The following ZNF131 variants were observed in gnomAD, a reference collection of about 807,000 sequenced individuals.
The protein encoded by ZNF131 is zinc finger protein 131.
ZNF131 carries 7 observed loss-of-function variants against 60.0 expected under a neutral mutation model. The observed-to-expected ratio is 0.12, with a 90% CI of 0.07 to 0.22. The LOEUF (loss-of-function observed/expected upper bound fraction) is 0.22. ZNF131 is among the 10% of genes least tolerant of loss of function. The pLI is 1.00. For missense variants in ZNF131, 493 were observed against 740.9 expected (o/e 0.67, Z 3.88); for synonymous variants, 257 against 253.2 (o/e 1.01, Z -0.14).
chr5:43,128,918 T>TTTATTTA (rs1018555870), intron 3 of ZNF131, among the ~76,000 whole-genome samples: 2 of 151,920 alleles, frequency 1.3e-5, no homozygotes, highest in African/African-American at 2.4e-5. Context: ...TCTTTGTATT[T>TTTATTTA]TTATTTATTA....
chr5:43,132,620 C>A (rs998685907), intron 3 of ZNF131, among the ~76,000 whole-genome samples: 1 of 150,988 alleles, frequency 6.6e-6, no homozygotes. Context: ...AAGCGACTCT[C>A]CTGCCTCAGC....
At position 43,174,840 on chromosome 5, in the gene ZNF131, G is replaced by T; in HGVS notation, c.1579G>T (p.Val527Leu). 1 of 1,614,212 alleles carries T rather than the reference G, an allele frequency of 6.2e-7. No homozygotes were observed. Residue 527 changes from valine (V) to leucine (L), a missense_variant, in exon 7 of 7, where the codon GTG (valine) becomes TTG (leucine). Transcript: ENST00000682664. The stretch of plus-strand genomic sequence containing the variant: ...GCAGGTCCAAGTGAGTTATCTAGAA[G>T]TGGGCCGAATTCAGACTGAAGAAGG... ...PEQVQVSYLEVGRIQTEEGTE... is the reference protein window; with the variant it reads ...PEQVQVSYLELGRIQTEEGTE...
intron 5 of ZNF131, among the ~76,000 whole-genome samples, chr5:43,165,282 C>T (rs1194076471): frequency 2.6e-5 from 4 of 151,040 alleles, no homozygotes; most frequent in Non-Finnish European, 4.4e-5. Context: ...CAAGATCAAT[C>T]TGCTGGTTTC....
At chr5:43,122,245 C>CT in intron 2 of ZNF131, 68 bp downstream of exon 2, 2 of 1,388,342 alleles carry the variant, frequency 1.4e-6, no homozygotes, top group East Asian at 2.5e-5. Context: ...CGGACACCCG[C>CT]CTTTTTTTTT....
At chr5:43,149,850 CTT>C (rs531184131) in intron 4 of ZNF131, among the ~76,000 whole-genome samples, 5 of 151,846 alleles carry the variant, frequency 3.3e-5, no homozygotes, top group Non-Finnish European at 5.9e-5. Context: ...CTGATCAAAT[CTT>C]TTGCCTGTTT....
At position 43,161,458 on chromosome 5, in the gene ZNF131, A is replaced by G. The variant is rs1479330386; in HGVS notation, c.581A>G (p.Lys194Arg). 1.2e-6 allele frequency: 2 copies of G among 1,614,148 alleles called. No homozygotes were observed. The highest frequency in any genetic ancestry group is 1.3e-5 in the African/African-American group (1 of 74,956). The change falls in exon 5 of 7, where the codon AAG becomes AGG. Residue 194 changes from lysine to arginine, a missense_variant. Lys to Arg is a conservative substitution (Grantham distance 26, BLOSUM62 2). This residue lies in a region of ZNF131 where 138 missense variants were observed against 158.7 expected (regional missense o/e 0.87). Coordinates refer to ENST00000682664, the MANE Select transcript of ZNF131 (RefSeq NM_001330707.2). ...IETLEEVASA[K>R]QSVKYIQSTG... ...ACATTAGAGGAAGTGGCTTCTGCCA[A>G]GCAGTCCGTAAAGTACATACAGAGC...
chr5:43,143,480 A>G, intron 4 of ZNF131: 1 of 1,242,842 alleles, frequency 8.0e-7, no homozygotes, highest in Non-Finnish European at 1.1e-6. Flanking sequence ...AAGTTTCTTA[A>G]TTTCCTATCC....
chr5:43,165,841 G>A (rs4498259), intron 5 of ZNF131, among the ~76,000 whole-genome samples: 108,616 of 152,148 alleles, frequency 0.71, 39,149 homozygotes, highest in Middle Eastern at 0.85. Flanking sequence ...GCATCTTCCA[G>A]TACAAGGCTG....
intron 3 of ZNF131, among the ~76,000 whole-genome samples, chr5:43,128,138 T>C (rs141805369): frequency 1.6e-3 from 250 of 152,354 alleles, no homozygotes; most frequent in African/African-American, 5.8e-3. Context: ...AACATTTTCC[T>C]TAGATACTCT....
intron 4 of ZNF131, among the ~76,000 whole-genome samples, chr5:43,152,243 T>C (rs1390031380): frequency 2.0e-5 from 3 of 151,938 alleles, no homozygotes. Context: ...CCTCAAGTGA[T>C]CCGCCTGCTT....
intron 5 of ZNF131, among the ~76,000 whole-genome samples, chr5:43,167,769 T>C (rs1293232434): frequency 6.6e-6 from 1 of 152,188 alleles, no homozygotes; most frequent in East Asian, 1.9e-4. Flanking sequence ...CTGTGTAACA[T>C]GTTAAGTGCT....
intron 4 of ZNF131, among the ~76,000 whole-genome samples, chr5:43,141,867 C>T (rs1201717214): frequency 2.0e-5 from 3 of 151,902 alleles, no homozygotes; most frequent in African/African-American, 7.3e-5. Context: ...ACCAGATAGG[C>T]ATGTAATATG....
At position 43,174,432 on chromosome 5, in the gene ZNF131, T is replaced by G; in HGVS notation, c.1186-15T>G. 6.6e-7 allele frequency: 1 copy of G among 1,513,154 alleles called. No homozygotes were observed. Among genetic ancestry groups the G allele is most frequent in the Non-Finnish European group, 8.8e-7 (1 of 1,132,518 alleles). 93.7% of individuals were successfully genotyped at this position (1,513,154 alleles called of 1,614,324 possible). On this transcript the variant is annotated splice_polypyrimidine_tract_variant and intron_variant, in intron 6 of 6. Coordinates refer to ENST00000682664, the MANE Select transcript of ZNF131 (RefSeq NM_001330707.2). ...GATATAAGTATTGTCTACATCATAT[T>G]TTTGGTTATTTCAGGTCTGCAACAG...
intron 3 of ZNF131, among the ~76,000 whole-genome samples, chr5:43,135,474 C>T (rs1745959099): frequency 6.6e-6 from 1 of 151,932 alleles, no homozygotes; most frequent in African/African-American, 2.4e-5. Flanking sequence ...TTGGGCTGGG[C>T]ACAGTGGCTC....
At chr5:43,174,372 C>T in intron 6 of ZNF131, 75 bp from the exon 7 acceptor site, 1 of 1,292,628 alleles carries the variant, frequency 7.7e-7, no homozygotes, top group Non-Finnish European at 1.0e-6. Context: ...CTTTTCTTTA[C>T]AGAGAATAAA....
chr5:43,160,200 CAAAA>C (rs1195152966), intron 4 of ZNF131, among the ~76,000 whole-genome samples: 8 of 139,722 alleles, frequency 5.7e-5, no homozygotes, highest in African/African-American at 1.3e-4. Context: ...AAAAAAAAAA[CAAAA>C]AAAGAAGAAA....
chr5:43,171,224 A>G (rs1338254804), intron 5 of ZNF131, among the ~76,000 whole-genome samples: 3 of 152,118 alleles, frequency 2.0e-5, no homozygotes, highest in African/African-American at 7.2e-5. Flanking sequence ...CTAGGATCAC[A>G]GGTGTGAGCC....
At chr5:43,123,112 C>G in intron 2 of ZNF131, 97 bp from the exon 3 acceptor site, 1 of 841,288 alleles carries the variant, frequency 1.2e-6, no homozygotes, top group East Asian at 2.6e-5. Context: ...GAAGGAAGAC[C>G]TATTTTGCTT....
At chr5:43,140,452 T>C (rs918933344) in intron 4 of ZNF131, among the ~76,000 whole-genome samples, 3 of 152,162 alleles carry the variant, frequency 2.0e-5, no homozygotes, top group Admixed American at 6.5e-5. Context: ...ACTTTCTACA[T>C]GGGATTTGAT....
Sources: gnomAD v4.1 joint callset for allele counts (sites outside exome capture counted in the v4.1 genomes callset) on GRCh38, gnomAD v4.1.1 for gene constraint, gnomAD v4.1.1 regional missense constraint, MANE v1.5 for transcripts, NCBI Gene and HGNC (gene_info 2026-07-23, HGNC 2026-07-21) for gene names.